USP15: variants seen among roughly 807,000 people sequenced by gnomAD.
USP15 encodes ubiquitin carboxyl-terminal hydrolase 15.
In USP15, 18 loss-of-function variants were observed where a neutral mutation model predicts 127.1. The observed-to-expected ratio is 0.14, with a 90% CI of 0.10 to 0.21. USP15 has a LOEUF of 0.21. Ranked by LOEUF, USP15 falls within the 10% of genes least tolerant of loss-of-function variation. The pLI, the probability that USP15 is intolerant of heterozygous loss-of-function variation, is 1.00. For synonymous variants in USP15, 364 were observed against 393.7 expected (o/e 0.92, Z 0.89); for missense variants, 805 against 1,159.9 (o/e 0.69, Z 4.44).
chr12:62,377,478 G>C (rs1444485390), intron 8 of USP15, among the ~76,000 whole-genome samples: 1 of 152,202 alleles, frequency 6.6e-6, no homozygotes, highest in East Asian at 1.9e-4. Context: ...CTAGCACTTT[G>C]AGAGGCCAAG....
At chr12:62,337,522 G>C (rs2065507915) in intron 6 of USP15, among the ~76,000 whole-genome samples, 1 of 152,066 alleles carries the variant, frequency 6.6e-6, no homozygotes. Context: ...GTGCAGGTTT[G>C]TTACATAGCT....
chr12:62,300,060 T>C (rs2064261485), intron 2 of USP15, among the ~76,000 whole-genome samples: 1 of 152,178 alleles, frequency 6.6e-6, no homozygotes. Context: ...TAGACCCTTA[T>C]CAGATGTATG....
Position 62,410,879 on chromosome 12 carries a change from C to T in USP15, c.*6504C>T, listed in dbSNP as rs1444926283. The stretch of plus-strand genomic sequence containing the variant: ...TTTTTTTTTTTAATTTTGGGCCTCA[C>T]TCCTATAAAAGACTTGGAACAGAAG... On this transcript the variant is annotated 3_prime_UTR_variant, in exon 22 of 22. Transcript: ENST00000280377. The T allele has an allele frequency of 1.3e-5, 2 of 150,566 alleles. No individual in the cohort carries two copies. The highest frequency in any genetic ancestry group is 4.9e-5 in the African/African-American group (2 of 40,862). The allele number at this position is 150,566 out of a possible 1,614,324, so 9.3% of individuals were successfully genotyped here.
chr12:62,385,495 T>G (rs1013199899), intron 11 of USP15, among the ~76,000 whole-genome samples: 1 of 151,992 alleles, frequency 6.6e-6, no homozygotes, highest in Non-Finnish European at 1.5e-5. Context: ...AGGTATGTAC[T>G]CAGTTATGCA....
At chr12:62,389,756 CAT>C (rs776937896) in intron 13 of USP15, 39 bp from the exon 14 acceptor site, 65 of 1,598,728 alleles carry the variant, frequency 4.1e-5, no homozygotes, top group Non-Finnish European at 5.3e-5. Context: ...ATAGAAGTAA[CAT>C]AAAATTTTGA....
chr12:62,339,031 A>G (rs567740051), intron 6 of USP15, among the ~76,000 whole-genome samples: 3 of 152,050 alleles, frequency 2.0e-5, no homozygotes, highest in Admixed American at 2.0e-4. Flanking sequence ...TTCAATGGGG[A>G]TAGCATTGAA....
At chr12:62,358,022 A>G (rs1207379293) in intron 8 of USP15, among the ~76,000 whole-genome samples, 1 of 152,138 alleles carries the variant, frequency 6.6e-6, no homozygotes. Context: ...GAAGACGTTC[A>G]TGAATTTTAG....
At chr12:62,359,167 A>T (rs1343491600) in intron 8 of USP15, among the ~76,000 whole-genome samples, 1 of 151,582 alleles carries the variant, frequency 6.6e-6, no homozygotes, top group Non-Finnish European at 1.5e-5. Context: ...TTTACTTTCC[A>T]CAATGGCCCC....
rs766023409 is a variant in USP15, at chr12:62,384,253, C to T, written c.1424C>T (p.Thr475Ile). ...TLPLPMKKER[T>I]LEVYLVRMDP... is the part of the protein sequence containing the mutation. ...CCATTGCCCATGAAAAAAGAACGCA[C>T]CTTGGAAGTTTACTTAGTTAGAATG... Residue 475 changes from threonine to isoleucine, a missense_variant, in exon 11 of 22, where the codon ACC becomes ATC. By Grantham distance (89) the Thr-to-Ile change is moderately conservative (BLOSUM62 -1). Coordinates refer to ENST00000280377, the MANE Select transcript of USP15 (RefSeq NM_001252078.2). The T allele has an allele frequency of 2.5e-6, 4 of 1,611,920 alleles. No individual in the cohort carries two copies. The Admixed American group carries it at 5.0e-5, about 20-fold the overall frequency.
At chr12:62,392,006 A>G (rs2067339157) in intron 17 of USP15, 120 bp downstream of exon 17, 1 of 1,082,802 alleles carries the variant, frequency 9.2e-7, no homozygotes, top group African/African-American at 1.6e-5. Flanking sequence ...TTTTGCCAGT[A>G]AAAAATTGGT....
At chr12:62,261,747 G>T (rs763716644) in intron 1 of USP15, among the ~76,000 whole-genome samples, 1 of 152,060 alleles carries the variant, frequency 6.6e-6, no homozygotes, top group Non-Finnish European at 1.5e-5. Flanking sequence ...CTGACAAAAG[G>T]CTGTGATATT....
intron 1 of USP15, among the ~76,000 whole-genome samples, chr12:62,272,780 A>C (rs1014386346): frequency 6.6e-6 from 1 of 152,098 alleles, no homozygotes; most frequent in African/African-American, 2.4e-5. Flanking sequence ...CAAATTATTT[A>C]TCATAATGCC....
rs1219719459 is a variant in USP15, at chr12:62,411,454, C to T, written c.*7079C>T. 4 of 152,154 alleles carry T rather than the reference C, an allele frequency of 2.6e-5. No homozygotes were observed. Among genetic ancestry groups the T allele is most frequent in the Non-Finnish European group, 5.9e-5 (4 of 68,018 alleles). The allele number at this position is 152,154 out of a possible 1,614,324, so 9.4% of individuals were successfully genotyped here. Reference sequence around the variant, plus strand: ...TAAAGTAATATACAAAAACAAAATCCAGTTACAAATATAATTTTTAAAGCT... The same window carrying T: ...TAAAGTAATATACAAAAACAAAATCTAGTTACAAATATAATTTTTAAAGCT... On this transcript the variant is annotated 3_prime_UTR_variant, in exon 22 of 22. Coordinates refer to ENST00000280377, the MANE Select transcript of USP15 (RefSeq NM_001252078.2).
intron 8 of USP15, among the ~76,000 whole-genome samples, chr12:62,378,199 T>G (rs2066890010): frequency 6.6e-6 from 1 of 152,084 alleles, no homozygotes. Flanking sequence ...AGAGTGAGAC[T>G]CCATCTCAGA....
intron 11 of USP15, among the ~76,000 whole-genome samples, chr12:62,389,185 A>G (rs1302924132): frequency 1.3e-5 from 2 of 152,144 alleles, no homozygotes; most frequent in East Asian, 3.8e-4. Context: ...TAATGACAGG[A>G]TCTAATAAGT....
intron 6 of USP15, among the ~76,000 whole-genome samples, chr12:62,328,136 C>G (rs1412064017): frequency 6.6e-6 from 1 of 152,158 alleles, no homozygotes; most frequent in Non-Finnish European, 1.5e-5. Flanking sequence ...ATAAAGTTCA[C>G]TATTCGTATA....
At chr12:62,309,775 A>T (rs1268619374) in intron 3 of USP15, among the ~76,000 whole-genome samples, 1 of 151,972 alleles carries the variant, frequency 6.6e-6, no homozygotes, top group Non-Finnish European at 1.5e-5. Flanking sequence ...TAGCAGACTA[A>T]AGGAGAAAAA....
intron 3 of USP15, chr12:62,306,192 TG>T (rs2064479607): frequency 6.6e-6 from 1 of 152,198 alleles, no homozygotes; most frequent in South Asian, 2.1e-4. Context: ...CCCAGATTCT[TG>T]ACCCTCAGAA....
intron 11 of USP15, 53 bp from the exon 12 acceptor site, chr12:62,389,378 C>T (rs1469736413): frequency 4.7e-6 from 7 of 1,484,112 alleles, no homozygotes; most frequent in Non-Finnish European, 6.4e-6. Context: ...CTCTCATTTA[C>T]TGAATTTTTT....
Sources: allele counts gnomAD v4.1 joint callset (sites outside exome capture counted in the v4.1 genomes callset), GRCh38; gene constraint gnomAD v4.1.1; transcripts MANE v1.5; gene names NCBI Gene and HGNC (gene_info 2026-07-23, HGNC 2026-07-21).